The following SMIM19 variants were observed in gnomAD, a reference collection of about 807,000 sequenced individuals.
The protein encoded by SMIM19 is UPF0697 protein C8orf40.
SMIM19 carries 6 observed loss-of-function variants against 13.2 expected under a neutral mutation model. That is an observed-to-expected ratio of 0.45 (90% CI 0.25 to 0.90). The LOEUF is 0.90. Ranked by LOEUF, SMIM19 falls within the 40% of genes least tolerant of loss-of-function variation. The pLI is 0.19. For synonymous variants in SMIM19, 46 were observed against 43.1 expected (o/e 1.07, Z -0.27); for missense variants, 138 against 131.0 (o/e 1.05, Z -0.26).
At chr8:42,548,529 A>C (rs1471014713) in intron 2 of SMIM19, 127 bp from the exon 3 acceptor site, 6 of 1,263,024 alleles carry the variant, frequency 4.8e-6, no homozygotes, top group Non-Finnish European at 6.8e-6. Context: ...CAAAGACAAA[A>C]TAGAAAGTAA....
intron 1 of SMIM19, among the ~76,000 whole-genome samples, chr8:42,542,710 C>T (rs1015628630): frequency 2.6e-5 from 4 of 151,994 alleles, no homozygotes; most frequent in African/African-American, 9.7e-5. Flanking sequence ...CCTGTAATCC[C>T]AGCACTTTGG....
In SMIM19 at chr8:42,553,316, C is replaced by T. The variant is rs1434265307; in HGVS notation, c.*708C>T. The T allele has an allele frequency of 6.6e-6, 1 of 152,230 alleles. No homozygotes were observed. The highest frequency in any genetic ancestry group is 2.4e-5 in the African/African-American group (1 of 41,450). 9.4% of individuals were successfully genotyped at this position (152,230 alleles called of 1,614,324 possible). ...ACTAGATTTTTCCTCATTATGCTCCCAGGAGCGAGTTTGTTTTTATCCCCG... is the reference window on the plus strand; with the variant it reads ...ACTAGATTTTTCCTCATTATGCTCCTAGGAGCGAGTTTGTTTTTATCCCCG... On this transcript the variant is annotated 3_prime_UTR_variant, in exon 4 of 4. Transcript: ENST00000417410.
At chr8:42,550,441 G>C (rs1473153143) in intron 3 of SMIM19, among the ~76,000 whole-genome samples, 2 of 152,148 alleles carry the variant, frequency 1.3e-5, no homozygotes, top group Admixed American at 1.3e-4. Flanking sequence ...GTGCCTGCAT[G>C]GTTCTGTTTT....
intron 1 of SMIM19, 168 bp downstream of exon 1, chr8:42,542,541 AATG>A: frequency 1.1e-6 from 1 of 905,500 alleles, no homozygotes; most frequent in Non-Finnish European, 1.3e-6. Flanking sequence ...GAGAGACAAA[AATG>A]ATAACATTCA....
At chr8:42,542,854 C>T (rs527707447) in intron 1 of SMIM19, among the ~76,000 whole-genome samples, 7 of 151,648 alleles carry the variant, frequency 4.6e-5, no homozygotes, top group Non-Finnish European at 8.8e-5. Context: ...GTGGCACTTG[C>T]CTGTATTCCC....
In SMIM19 at chr8:42,554,028, C is replaced by A. The variant is rs1813751098; in HGVS notation, c.*1420C>A. On this transcript the variant is annotated 3_prime_UTR_variant, in exon 4 of 4. Coordinates refer to ENST00000417410, the MANE Select transcript of SMIM19 (RefSeq NM_001135674.2). Reference sequence around the variant, plus strand: ...TAATGGCTTCAAGTATTTCATTTTCCCCTTATTGTGAAATAAACTATATAC... The same window carrying A: ...TAATGGCTTCAAGTATTTCATTTTCACCTTATTGTGAAATAAACTATATAC... The A allele has an allele frequency of 6.6e-6, 1 of 151,882 alleles. No individual in the cohort carries two copies. The highest frequency in any genetic ancestry group is 2.4e-5 in the African/African-American group (1 of 41,344). 9.4% of individuals were successfully genotyped at this position (151,882 alleles called of 1,614,324 possible).
intron 3 of SMIM19, among the ~76,000 whole-genome samples, chr8:42,550,385 C>T (rs140566759): frequency 1.3e-3 from 191 of 152,248 alleles, no homozygotes; most frequent in Non-Finnish European, 1.8e-3. Flanking sequence ...TCTCACGGTT[C>T]GGTGGGTTAG....
At chr8:42,544,879 C>G (rs1586323610) in intron 1 of SMIM19, among the ~76,000 whole-genome samples, 1 of 150,518 alleles carries the variant, frequency 6.6e-6, no homozygotes, top group Non-Finnish European at 1.5e-5. Flanking sequence ...ACTAGCTGGC[C>G]AAATCTACAC....
chr8:42,550,047 G>T (rs540833621), intron 3 of SMIM19, among the ~76,000 whole-genome samples: 377 of 152,002 alleles, frequency 2.5e-3, no homozygotes, highest in Non-Finnish European at 4.0e-3. Flanking sequence ...AGTGAGCAGA[G>T]ATCACACCAT....
chr8:42,546,154 T>TA (rs1265383287), intron 1 of SMIM19, among the ~76,000 whole-genome samples: 2 of 152,332 alleles, frequency 1.3e-5, no homozygotes, highest in Non-Finnish European at 2.9e-5. Flanking sequence ...TCTAAGCACT[T>TA]ACAATACCTA....
intron 3 of SMIM19, among the ~76,000 whole-genome samples, chr8:42,549,791 A>T (rs1170138771): frequency 6.7e-6 from 1 of 149,178 alleles, no homozygotes; most frequent in African/African-American, 2.5e-5. Flanking sequence ...AGTATTGTTT[A>T]AAAAAAAAAG....
At position 42,555,051 on chromosome 8, in the gene SMIM19, G is replaced by A. The variant is rs1407009730; in HGVS notation, c.*2443G>A. The A allele has an allele frequency of 6.6e-6, 1 of 152,150 alleles. No homozygotes were observed. Among genetic ancestry groups the A allele is most frequent in the Non-Finnish European group, 1.5e-5 (1 of 68,038 alleles). 9.4% of individuals were successfully genotyped at this position (152,150 alleles called of 1,614,324 possible). Reference sequence around the variant, plus strand: ...GATTCATCAGAAAATGACATGCAAGGTTTATGGTAAAACTGCTGTACAATC... The same window carrying A: ...GATTCATCAGAAAATGACATGCAAGATTTATGGTAAAACTGCTGTACAATC... On this transcript the variant is annotated 3_prime_UTR_variant, in exon 4 of 4. Transcript: ENST00000417410.
intron 1 of SMIM19, among the ~76,000 whole-genome samples, chr8:42,543,591 A>T (rs745698439): frequency 2.6e-5 from 4 of 152,226 alleles, no homozygotes; most frequent in African/African-American, 9.6e-5. Context: ...AAAGACCTGC[A>T]TATTTGGGGC....
intron 1 of SMIM19, among the ~76,000 whole-genome samples, chr8:42,544,525 A>T (rs78646128): frequency 2.1e-4 from 32 of 151,796 alleles, no homozygotes; most frequent in East Asian, 7.7e-4. Context: ...GTGTTTAAAC[A>T]ATATTTAGAT....
intron 1 of SMIM19, among the ~76,000 whole-genome samples, chr8:42,543,019 T>C (rs1236556193): frequency 1.3e-5 from 2 of 151,284 alleles, no homozygotes; most frequent in Admixed American, 6.6e-5. Context: ...TCCTAAAAGT[T>C]TGTCAATCTA....
chr8:42,547,663 T>A (rs781058817), intron 2 of SMIM19, among the ~76,000 whole-genome samples: 27 of 152,376 alleles, frequency 1.8e-4, no homozygotes, highest in Non-Finnish European at 2.8e-4. Context: ...TCTGATTACT[T>A]GTCTGTCCAT....
At position 42,553,282 on chromosome 8, in the gene SMIM19, C is replaced by CT. The variant is rs1813728986; in HGVS notation, c.*677dup. ...CATACTCCTGTGCTAATTTTAGAAG[C>CT]TTTCTGTAACTAGATTTTTCCTCAT... On this transcript the variant is annotated 3_prime_UTR_variant, in exon 4 of 4. Transcript: ENST00000417410. 1 of 103,320 alleles carries CT rather than the reference C, an allele frequency of 9.7e-6. No homozygotes were observed. The highest frequency in any genetic ancestry group is 4.9e-5 in the African/African-American group (1 of 20,600). The allele number at this position is 103,320 out of a possible 1,614,324, so 6.4% of individuals were successfully genotyped here.
intron 1 of SMIM19, chr8:42,542,602 C>A: frequency 5.9e-6 from 2 of 336,850 alleles, no homozygotes; most frequent in Non-Finnish European, 8.4e-6. Flanking sequence ...CTAGACGTGA[C>A]ATCAGGAACC....
At chr8:42,548,991 A>G (rs1451135596) in intron 3 of SMIM19, among the ~76,000 whole-genome samples, 3 of 152,216 alleles carry the variant, frequency 2.0e-5, no homozygotes, top group Non-Finnish European at 2.9e-5. Context: ...AATAAGACAT[A>G]TAACTTAATT....
Sources: allele counts gnomAD v4.1 joint callset (sites outside exome capture counted in the v4.1 genomes callset), GRCh38; gene constraint gnomAD v4.1.1; transcripts MANE v1.5; gene names NCBI Gene and HGNC (gene_info 2026-07-23, HGNC 2026-07-21).